Variants in FYB1 observed in about 807,000 individuals in gnomAD.
FYB1 encodes FYN-binding protein 1.
FYB1 carries 41 observed loss-of-function variants against 94.1 expected under a neutral mutation model. The ratio of observed to expected loss-of-function variants is 0.44; its 90% CI spans 0.34 to 0.57. The LOEUF (loss-of-function observed/expected upper bound fraction) is 0.57. Among genes scored for constraint, FYB1 ranks in the 20% least tolerant of loss-of-function variants. The probability of loss-of-function intolerance (pLI) is 0.02; values close to 1 mark genes in which losing one functional copy is unlikely to be tolerated. For synonymous variants in FYB1, 367 were observed against 353.2 expected, an observed-to-expected ratio of 1.04 and a Z score of -0.44; for missense variants, 1,050 against 976.8, an observed-to-expected ratio of 1.07 and a Z score of -1.00.
At chr5:39,226,486 C>G (rs1329922809) in intron 1 of FYB1, among the ~76,000 whole-genome samples, 1 of 152,118 alleles carries the variant, frequency 6.6e-6, no homozygotes, top group African/African-American at 2.4e-5. Flanking sequence ...TGTGGCATTG[C>G]TTTTGCTTCT....
Position 39,241,832 on chromosome 5 carries a change from TTTTTTTTTTTTTC to T in FYB1, c.-28+32558_-28+32570del, listed in dbSNP as rs1481644782. ...TTCTTCCTGTTACAGTTTAAGCTCT[TTTTTTTTTTTTTC>T]CTGGAGGGCATCTTTTTAATAAAGA... On this transcript the variant is annotated intron_variant, in intron 1 of 1. Coordinates refer to the FYB1 transcript ENST00000510188. Among the ~76,000 whole-genome samples the T allele has an allele frequency of 3.3e-4, 5 of 15,250 alleles. No individual in the cohort carries two copies. The East Asian group carries it at 0.037, about 114-fold the overall frequency. The allele number at this position is 15,250 out of a possible 152,430, so 10.0% of individuals were successfully genotyped here.
intron 3 of FYB1, among the ~76,000 whole-genome samples, chr5:39,148,159 AT>A (rs1394595965): frequency 5.4e-3 from 27 of 5,044 alleles, no homozygotes; most frequent in Admixed American, 7.7e-3. Context: ...TATTTTTTAT[AT>A]ATATATATAT....
intron 1 of FYB1, among the ~76,000 whole-genome samples, chr5:39,262,112 A>C (rs1363218722): frequency 6.6e-6 from 1 of 152,242 alleles, no homozygotes; most frequent in Non-Finnish European, 1.5e-5. Flanking sequence ...TTAAAAGGAC[A>C]TCAAAAGCAG....
intron 1 of FYB1, among the ~76,000 whole-genome samples, chr5:39,244,587 T>G (rs1751382722): frequency 6.8e-6 from 1 of 147,598 alleles, no homozygotes; most frequent in Non-Finnish European, 1.5e-5. Flanking sequence ...TCGGGGATAT[T>G]GGTCTAAAAT....
At chr5:39,265,613 C>T (rs971680420) in intron 1 of FYB1, among the ~76,000 whole-genome samples, 5 of 152,064 alleles carry the variant, frequency 3.3e-5, no homozygotes, top group South Asian at 2.1e-4. Context: ...ACCAAGATCA[C>T]GCCATTGCAC....
At chr5:39,109,517 G>C (rs1738858696) in intron 17 of FYB1, among the ~76,000 whole-genome samples, 1 of 152,056 alleles carries the variant, frequency 6.6e-6, no homozygotes, top group Admixed American at 6.6e-5. Context: ...TGATTAATGT[G>C]CTCAGGAGAA....
At chr5:39,207,049 T>A (rs564032811) in intron 1 of FYB1, among the ~76,000 whole-genome samples, 19 of 152,208 alleles carry the variant, frequency 1.2e-4, no homozygotes, top group Non-Finnish European at 2.6e-4. Context: ...GCGTGTTATT[T>A]GCAGAACCTT....
At chr5:39,221,172 TG>T (rs1443605620), upstream of FYB1, among the ~76,000 whole-genome samples, 1 of 152,196 alleles carries the variant, frequency 6.6e-6, no homozygotes, top group Admixed American at 6.5e-5. Flanking sequence ...TGTAGCTTCT[TG>T]GTGTGTCCTA....
At position 39,132,935 on chromosome 5, in the gene FYB1, C is replaced by T. The variant is rs1192830210; in HGVS notation, c.1817+1273G>A. 3.9e-5 allele frequency among the ~76,000 whole-genome samples: 6 copies of T among 152,228 alleles called. No homozygotes were observed. The South Asian group carries it at 6.2e-4, about 16-fold the overall frequency. On this transcript the variant is annotated intron_variant, in intron 9 of 18. Coordinates refer to ENST00000512982, the MANE Select transcript of FYB1 (RefSeq NM_001465.6). ...TGGCATTTACTGACTCACACTAGGTCGATGTTTGACTAAAGTCAGTTAATG... is the reference window on the plus strand; with the variant it reads ...TGGCATTTACTGACTCACACTAGGTTGATGTTTGACTAAAGTCAGTTAATG...
rs545550526 is a variant in FYB1 at position 39,249,295 on chromosome 5, G to A, written c.-28+25108C>T. 1.4e-4 allele frequency among the ~76,000 whole-genome samples: 22 copies of A among 152,318 alleles called. 1 individual carries two copies. The highest frequency in any genetic ancestry group is 5.1e-4 in the African/African-American group (21 of 41,564). On this transcript the variant is annotated intron_variant, in intron 1 of 1. Transcript: ENST00000510188. ...GATGTCAGCAAACATTTTCTGTAAG[G>A]GGCCTGATAGTAAATATTTTTGGCT... is the stretch of plus-strand genomic sequence containing the variant.
chr5:39,134,773 T>C lies in FYB1; in HGVS notation c.1675+82A>G. The C allele has an allele frequency of 3.4e-6, 5 of 1,450,952 alleles. No homozygotes were observed. The South Asian group carries it at 4.9e-5, about 14-fold the overall frequency. The allele number at this position is 1,450,952 out of a possible 1,614,324, so 89.9% of individuals were successfully genotyped here. On this transcript the variant is annotated intron_variant, in intron 8 of 18. Transcript: ENST00000512982. ...TAAAGTACTCCTAACTCGATGCCTA[T>C]GACGAGTTCTGGAGGAATATGTACA...
intron 6 of FYB1, 78 bp downstream of exon 6, chr5:39,138,579 A>C: frequency 1.3e-6 from 1 of 790,892 alleles, no homozygotes; most frequent in Non-Finnish European, 2.1e-6. Context: ...TAGTGTTGTT[A>C]TATACCCACT....
intron 9 of FYB1, among the ~76,000 whole-genome samples, chr5:39,131,441 T>C (rs1020888293): frequency 5.3e-5 from 8 of 152,192 alleles, no homozygotes; most frequent in Non-Finnish European, 1.2e-4. Flanking sequence ...GCAACAGATA[T>C]CAGTTTAATG....
At chr5:39,187,198 G>T (rs555585783) in intron 2 of FYB1, among the ~76,000 whole-genome samples, 1 of 152,032 alleles carries the variant, frequency 6.6e-6, no homozygotes, top group East Asian at 1.9e-4. Flanking sequence ...ACTGTGACAC[G>T]CTTGAAAAAA....
chr5:39,244,357 G>A (rs529628138), intron 1 of FYB1, among the ~76,000 whole-genome samples: 3 of 152,226 alleles, frequency 2.0e-5, no homozygotes, highest in African/African-American at 7.2e-5. Context: ...ATGAAGGACT[G>A]TTGAATTTTG....
At chr5:39,129,088 A>T (rs983101549) in intron 10 of FYB1, among the ~76,000 whole-genome samples, 4 of 152,130 alleles carry the variant, frequency 2.6e-5, no homozygotes, top group African/African-American at 4.8e-5. Flanking sequence ...ACCAATCAGC[A>T]TACCGTTGGT....
intron 10 of FYB1, among the ~76,000 whole-genome samples, chr5:39,128,008 AAG>A (rs1740848862): frequency 6.6e-6 from 1 of 152,200 alleles, no homozygotes; most frequent in East Asian, 1.9e-4. Flanking sequence ...AATGAGGGCT[AAG>A]AGGCACTGTG....
chr5:39,135,806 G>A (rs1307909106), intron 7 of FYB1, among the ~76,000 whole-genome samples: 4 of 151,980 alleles, frequency 2.6e-5, no homozygotes, highest in African/African-American at 9.7e-5. Flanking sequence ...TGCTGATGAG[G>A]CTCAGTTCTC....
intron 2 of FYB1, among the ~76,000 whole-genome samples, chr5:39,197,446 A>T (rs1469412590): frequency 6.6e-6 from 1 of 151,974 alleles, no homozygotes; most frequent in Non-Finnish European, 1.5e-5. Context: ...TCATGTAAAA[A>T]CTCCAATCTC....
Sources: gnomAD v4.1 joint callset for allele counts (sites outside exome capture counted in the v4.1 genomes callset) on GRCh38, gnomAD v4.1.1 for gene constraint, MANE v1.5 for transcripts, NCBI Gene and HGNC (gene_info 2026-07-23, HGNC 2026-07-21) for gene names.